The following ITGAM variants were observed in gnomAD, a reference collection of about 807,000 sequenced individuals.
The protein encoded by ITGAM is integrin subunit alpha M.
A neutral mutation model predicts 137.5 loss-of-function variants in ITGAM; 79 were observed. The observed-to-expected ratio is 0.57, with a 90% confidence interval of 0.48 to 0.69. The LOEUF is 0.69. Ranked by LOEUF, ITGAM falls within the 30% of genes least tolerant of loss-of-function variation. The pLI is 0.00. For synonymous variants in ITGAM, 583 were observed against 592.3 expected, an observed-to-expected ratio of 0.98 and a Z score of 0.23; for missense variants, 1,343 against 1,483.5, an observed-to-expected ratio of 0.91 and a Z score of 1.56.
At chr16:31,305,118 C>T (rs545122222) in intron 14 of ITGAM, among the ~76,000 whole-genome samples, 1 of 152,238 alleles carries the variant, frequency 6.6e-6, no homozygotes, top group South Asian at 2.1e-4. Flanking sequence ...TTGTTTGTGT[C>T]ATCTATAATT....
intron 14 of ITGAM, among the ~76,000 whole-genome samples, chr16:31,308,019 G>A (rs2080283073): frequency 6.6e-6 from 1 of 152,188 alleles, no homozygotes; most frequent in East Asian, 1.9e-4. Context: ...TGGTGGATAA[G>A]CTTTTTGATG....
chr16:31,304,148 T>C (rs2080242994), intron 14 of ITGAM, among the ~76,000 whole-genome samples: 1 of 152,230 alleles, frequency 6.6e-6, no homozygotes, highest in Admixed American at 6.5e-5. Flanking sequence ...TTTTTAGTTA[T>C]GGCCATTCTT....
intron 5 of ITGAM, among the ~76,000 whole-genome samples, chr16:31,268,673 C>T (rs2079796377): frequency 6.6e-6 from 1 of 152,212 alleles, no homozygotes; most frequent in Admixed American, 6.5e-5. Context: ...TCCCCATTGC[C>T]TACAGATAAA....
chr16:31,263,802 AATTTATTTATTTATTTATTTATTT>A (rs61363590), intron 2 of ITGAM, among the ~76,000 whole-genome samples: 8 of 129,784 alleles, frequency 6.2e-5, no homozygotes, highest in Admixed American at 2.4e-4. Context: ...CACATACAAA[AATTTATTTATTTATTTATTTATTT>A]ATTTATTTAT....
chr16:31,296,135 C>T (rs1346323041), intron 12 of ITGAM, among the ~76,000 whole-genome samples: 1 of 143,528 alleles, frequency 7.0e-6, no homozygotes, highest in African/African-American at 2.6e-5. Context: ...AACAGAGTCT[C>T]TCTGTGTTGC....
chr16:31,328,533 G>A (rs1180735452), intron 23 of ITGAM, among the ~76,000 whole-genome samples: 1 of 151,734 alleles, frequency 6.6e-6, no homozygotes, highest in African/African-American at 2.4e-5. Flanking sequence ...GTGCGTGCAT[G>A]GGTGTGTATT....
At chr16:31,327,617 A>G (rs7192375) in intron 22 of ITGAM, among the ~76,000 whole-genome samples, 99,597 of 150,946 alleles carry the variant, frequency 0.66, 33,059 homozygotes, top group Middle Eastern at 0.85. Flanking sequence ...TAATAATAAT[A>G]ATAAAAAATA....
chr16:31,325,396 ACGCTCCAGGTAGC>A lies in ITGAM; in HGVS notation c.2499_2505+6del. 6.2e-7 allele frequency: 1 copy of A among 1,613,246 alleles called. No homozygotes were observed. Among genetic ancestry groups the A allele is most frequent in the South Asian group, 1.1e-5 (1 of 90,998 alleles). On this transcript the variant is annotated splice_donor_variant and splice_donor_5th_base_variant and coding_sequence_variant and intron_variant, in exon 20 of 30. Coordinates refer to ENST00000544665, the MANE Select transcript of ITGAM (RefSeq NM_000632.4). LOFTEE classifies it high-confidence loss of function. ...TGACCTGTCCTACCGGAAGGTGTCC[ACGCTCCAGGTAGC>A]CACATCCTTCTCAGGCTCTATCTGA...
intron 14 of ITGAM, among the ~76,000 whole-genome samples, chr16:31,300,987 T>C (rs1356373289): frequency 6.6e-6 from 1 of 152,176 alleles, no homozygotes; most frequent in African/African-American, 2.4e-5. Context: ...GATTAACCCC[T>C]TATCAGATAC....
At chr16:31,274,701 A>G (rs962796293) in intron 8 of ITGAM, among the ~76,000 whole-genome samples, 1 of 151,928 alleles carries the variant, frequency 6.6e-6, no homozygotes, top group East Asian at 1.9e-4. Flanking sequence ...TGCAACCTCC[A>G]CCTCCTGGGT....
intron 23 of ITGAM, among the ~76,000 whole-genome samples, chr16:31,328,808 G>T (rs1388853607): frequency 6.9e-6 from 1 of 144,966 alleles, no homozygotes; most frequent in Admixed American, 6.9e-5. Flanking sequence ...GTGTGTGAAG[G>T]TCTATGTGCA....
chr16:31,276,598 T>A (rs1229353107), intron 9 of ITGAM, 73 bp from the exon 10 acceptor site: 1 of 1,047,454 alleles, frequency 9.5e-7, no homozygotes. Context: ...TCTCAAAATG[T>A]TGGGATTACA....
chr16:31,331,370 T>G (rs756596015), intron 29 of ITGAM, 95 bp downstream of exon 29: 1 of 792,718 alleles, frequency 1.3e-6, no homozygotes, highest in Non-Finnish European at 2.1e-6. Context: ...CTGCCAGCTG[T>G]GTGACTGGGG....
intron 14 of ITGAM, among the ~76,000 whole-genome samples, chr16:31,311,542 C>T (rs576356530): frequency 6.6e-6 from 1 of 152,330 alleles, no homozygotes; most frequent in South Asian, 2.1e-4. Context: ...AAATGCTCAT[C>T]ATTACTGGCC....
intron 14 of ITGAM, among the ~76,000 whole-genome samples, chr16:31,308,279 G>C (rs1342377634): frequency 1.3e-5 from 2 of 152,182 alleles, no homozygotes; most frequent in East Asian, 3.9e-4. Context: ...ATCTGGTCCT[G>C]GACTTTTTTT....
intron 14 of ITGAM, among the ~76,000 whole-genome samples, chr16:31,303,837 A>G (rs920504737): frequency 1.3e-5 from 2 of 152,184 alleles, no homozygotes; most frequent in East Asian, 3.8e-4. Flanking sequence ...ACACATATAT[A>G]TAACTTTTTA....
At chr16:31,328,862 C>G in intron 23 of ITGAM, 1 of 373,514 alleles carries the variant, frequency 2.7e-6, no homozygotes, top group South Asian at 2.6e-5. Context: ...GTGTGAGGGT[C>G]TATGTGCATG....
Position 31,297,751 on chromosome 16 carries a change from C to T in ITGAM, c.1504C>T (p.Arg502Trp), listed in dbSNP as rs770630528. The change falls in exon 14 of 30, where the codon CGG becomes TGG. Residue 502 changes from arginine to tryptophan, a missense_variant. Arg to Trp is a moderately radical substitution (Grantham distance 101, BLOSUM62 -3). Coordinates refer to ENST00000544665, the MANE Select transcript of ITGAM (RefSeq NM_000632.4). Reference protein sequence around the residue: ...SVCPLPRGRARWQCDAVLYGE... With the variant: ...SVCPLPRGRAWWQCDAVLYGE... The stretch of plus-strand genomic sequence containing the variant: ...TACTGTTTGTGTTTAGCAGAGGGCT[C>T]GGTGGCAGTGTGATGCTGTTCTCTA... The T allele has an allele frequency of 1.8e-5, 29 of 1,595,058 alleles. No homozygotes were observed. Among genetic ancestry groups the T allele is most frequent in the Non-Finnish European group, 2.1e-5 (25 of 1,172,510 alleles).
chr16:31,320,285 A>G (rs561689033), intron 14 of ITGAM, among the ~76,000 whole-genome samples: 1 of 152,322 alleles, frequency 6.6e-6, no homozygotes, highest in African/African-American at 2.4e-5. Flanking sequence ...TTCACAATTT[A>G]CAGTTATTTA....
Sources: gnomAD v4.1 joint callset for allele counts (sites outside exome capture counted in the v4.1 genomes callset) on GRCh38, gnomAD v4.1.1 for gene constraint, MANE v1.5 for transcripts, NCBI Gene and HGNC (gene_info 2026-07-23, HGNC 2026-07-21) for gene names.